Variants in NELL2 observed in about 807,000 individuals in gnomAD.
NELL2 encodes protein kinase C-binding protein NELL2.
In NELL2, 41 loss-of-function variants were observed where a neutral mutation model predicts 109.6. The ratio of observed to expected loss-of-function variants is 0.37; its 90% CI spans 0.29 to 0.49. The LOEUF (loss-of-function observed/expected upper bound fraction) is 0.49, where lower values mean the gene tolerates loss of function less well. Ranked by LOEUF, NELL2 falls within the 20% of genes least tolerant of loss-of-function variation. The probability of loss-of-function intolerance (pLI) is 0.98; values close to 1 mark genes in which losing one functional copy is unlikely to be tolerated. For missense variants in NELL2, 900 were observed against 1,008.3 expected (o/e 0.89, Z 1.45); for synonymous variants, 355 against 344.7 (o/e 1.03, Z -0.33).
intron 9 of NELL2, among the ~76,000 whole-genome samples, chr12:44,761,796 C>T (rs1439014591): frequency 3.9e-5 from 6 of 152,148 alleles, no homozygotes; most frequent in Non-Finnish European, 8.8e-5. Flanking sequence ...TCAAATACTG[C>T]ATGTTCTCAC....
chr12:44,564,812 G>A (rs1460859265), intron 15 of NELL2, among the ~76,000 whole-genome samples: 6 of 152,128 alleles, frequency 3.9e-5, no homozygotes, highest in African/African-American at 1.2e-4. Context: ...CACACTACAC[G>A]AAGACAGCCT....
intron 15 of NELL2, among the ~76,000 whole-genome samples, chr12:44,547,625 T>A (rs1410591309): frequency 6.6e-6 from 1 of 152,184 alleles, no homozygotes; most frequent in East Asian, 1.9e-4. Flanking sequence ...TACCAAAAAA[T>A]ATATCAGAGT....
At chr12:44,549,863 T>C (rs533744499) in intron 15 of NELL2, among the ~76,000 whole-genome samples, 182 of 152,242 alleles carry the variant, frequency 1.2e-3, no homozygotes, top group African/African-American at 4.1e-3. Context: ...AAAACTCCAA[T>C]AGCATTTTTC....
intron 1 of NELL2, among the ~76,000 whole-genome samples, chr12:44,920,918 C>T (rs1368184435): frequency 2.0e-5 from 3 of 152,088 alleles, no homozygotes; most frequent in Non-Finnish European, 4.4e-5. Context: ...TGAATACCTC[C>T]CTCATTTATT....
At chr12:44,782,815 CCT>C (rs1294321096) in intron 3 of NELL2, among the ~76,000 whole-genome samples, 5 of 151,884 alleles carry the variant, frequency 3.3e-5, no homozygotes, top group Non-Finnish European at 7.4e-5. Context: ...CGTCAACACC[CCT>C]GTTTCAACAA....
At chr12:44,684,685 C>T (rs2136380121) in intron 12 of NELL2, among the ~76,000 whole-genome samples, 1 of 152,334 alleles carries the variant, frequency 6.6e-6, no homozygotes, top group Middle Eastern at 3.4e-3. Flanking sequence ...ACCCACTAGT[C>T]ATTCCGGAGC....
At chr12:44,896,285 A>G (rs1273242198) in intron 1 of NELL2, among the ~76,000 whole-genome samples, 1 of 152,224 alleles carries the variant, frequency 6.6e-6, no homozygotes, top group Non-Finnish European at 1.5e-5. Context: ...AAAGTTTAAA[A>G]AAAGAAGAAA....
chr12:44,800,513 A>C (rs1020627345), intron 3 of NELL2, among the ~76,000 whole-genome samples: 1 of 152,160 alleles, frequency 6.6e-6, no homozygotes, highest in African/African-American at 2.4e-5. Context: ...GAAGAAAGTA[A>C]TATTCCCAAA....
intron 9 of NELL2, among the ~76,000 whole-genome samples, chr12:44,715,792 A>T (rs575389172): frequency 3.2e-4 from 48 of 152,232 alleles, no homozygotes; most frequent in African/African-American, 9.4e-4. Flanking sequence ...TTTTATTTTA[A>T]CTATACAAAT....
At chr12:44,777,894 A>G (rs372239814) in intron 5 of NELL2, among the ~76,000 whole-genome samples, 2 of 152,352 alleles carry the variant, frequency 1.3e-5, no homozygotes, top group East Asian at 3.9e-4. Context: ...AAAATTTTTT[A>G]AATGTCAGCT....
intron 9 of NELL2, among the ~76,000 whole-genome samples, chr12:44,715,079 C>T (rs553238287): frequency 1.3e-5 from 2 of 151,588 alleles, no homozygotes; most frequent in South Asian, 2.1e-4. Context: ...TCACTTAGGG[C>T]GGCAATAAAT....
At chr12:44,900,361 A>G (rs1197824863) in intron 1 of NELL2, among the ~76,000 whole-genome samples, 1 of 150,706 alleles carries the variant, frequency 6.6e-6, no homozygotes. Context: ...CATAATTGGA[A>G]GTAAAACACT....
Position 44,640,677 on chromosome 12 carries a change from T to C in NELL2, c.1444+24807A>G, listed in dbSNP as rs186251233. 4.2e-3 allele frequency among the ~76,000 whole-genome samples: 639 copies of C among 152,306 alleles called. 6 individuals are homozygous for C. The highest frequency in any genetic ancestry group is 8.2e-3 in the Admixed American group (126 of 15,284). On this transcript the variant is annotated intron_variant, in intron 13 of 19. Transcript: ENST00000429094. ...ATCTTCCAGATTGTATTTTGTTTTT[T>C]TTTTTAAATAGAGTTACCATATTAT...
chr12:44,711,472 G>C (rs1938199387), intron 10 of NELL2, 78 bp from the exon 11 acceptor site: 1 of 1,254,782 alleles, frequency 8.0e-7, no homozygotes, highest in African/African-American at 1.5e-5. Flanking sequence ...CAGCATCTGA[G>C]AAGACTCTTT....
chr12:44,878,452 C>G (rs1291163228), upstream of NELL2, among the ~76,000 whole-genome samples: 1 of 152,180 alleles, frequency 6.6e-6, no homozygotes, highest in Non-Finnish European at 1.5e-5. Context: ...CAGGAGTTTT[C>G]AACATTATAA....
At chr12:44,862,589 G>C (rs1055220960) in intron 2 of NELL2, among the ~76,000 whole-genome samples, 1 of 152,166 alleles carries the variant, frequency 6.6e-6, no homozygotes, top group East Asian at 1.9e-4. Context: ...AGTCAGATTT[G>C]CTTCAGCCTC....
At chr12:44,638,904 A>C (rs564399444) in intron 13 of NELL2, among the ~76,000 whole-genome samples, 1 of 152,338 alleles carries the variant, frequency 6.6e-6, no homozygotes, top group Admixed American at 6.5e-5. Context: ...TATATAATTT[A>C]ATTTTTCTAA....
At chr12:44,817,764 C>G (rs1029864318) in intron 2 of NELL2, among the ~76,000 whole-genome samples, 2 of 152,182 alleles carry the variant, frequency 1.3e-5, no homozygotes, top group African/African-American at 4.8e-5. Flanking sequence ...TCAATTTACT[C>G]TCTTGGTTTA....
At chr12:44,576,791 C>A (rs35266155) in intron 15 of NELL2, among the ~76,000 whole-genome samples, 1 of 151,764 alleles carries the variant, frequency 6.6e-6, no homozygotes, top group Non-Finnish European at 1.5e-5. Flanking sequence ...TGAGAATATG[C>A]GGTGTTTGGT....
Sources: allele counts gnomAD v4.1 joint callset (sites outside exome capture counted in the v4.1 genomes callset), GRCh38; gene constraint gnomAD v4.1.1; transcripts MANE v1.5; gene names NCBI Gene and HGNC (gene_info 2026-07-23, HGNC 2026-07-21).